Variants in PCDHA12 observed in about 807,000 individuals in gnomAD.
The protein encoded by PCDHA12 is protocadherin alpha-12.
A neutral mutation model predicts 60.0 loss-of-function variants in PCDHA12; 44 were observed. The observed-to-expected ratio is 0.73, with a 90% CI of 0.58 to 0.94. The LOEUF (loss-of-function observed/expected upper bound fraction) is 0.94, where lower values mean the gene tolerates loss of function less well. PCDHA12 is among the 40% of genes least tolerant of loss of function. The pLI is 0.00. For synonymous variants in PCDHA12, 569 were observed against 553.0 expected, an observed-to-expected ratio of 1.03 and a Z score of -0.40; for missense variants, 1,276 against 1,239.7, an observed-to-expected ratio of 1.03 and a Z score of -0.44.
chr5:140,914,944 CTTTTTT>C (rs35695909), intron 1 of PCDHA12, among the ~76,000 whole-genome samples: 1 of 128,266 alleles, frequency 7.8e-6, no homozygotes, highest in Non-Finnish European at 1.7e-5. Flanking sequence ...GAAAAGTTGT[CTTTTTT>C]TTTTTTTTTT....
intron 1 of PCDHA12, 174 bp downstream of exon 1, chr5:140,878,013 G>A (rs1554170262): frequency 2.4e-6 from 2 of 839,000 alleles, no homozygotes; most frequent in South Asian, 2.6e-5. Context: ...TAACATTAAT[G>A]AAGGAAATAT....
At chr5:140,935,310 C>T (rs569890065) in intron 1 of PCDHA12, among the ~76,000 whole-genome samples, 2 of 152,200 alleles carry the variant, frequency 1.3e-5, no homozygotes, top group Non-Finnish European at 2.9e-5. Flanking sequence ...TACTTAACTT[C>T]ATCAATCTTA....
At chr5:140,966,030 A>C (rs1554227994) in intron 1 of PCDHA12, among the ~76,000 whole-genome samples, 4 of 152,164 alleles carry the variant, frequency 2.6e-5, no homozygotes, top group Admixed American at 6.5e-5. Context: ...AGTCAGGTGA[A>C]TAGTTCCCAT....
intron 1 of PCDHA12, among the ~76,000 whole-genome samples, chr5:140,902,816 G>A (rs1447534950): frequency 6.6e-6 from 1 of 150,906 alleles, no homozygotes; most frequent in Non-Finnish European, 1.5e-5. Flanking sequence ...TACAATATTT[G>A]GTTTTCGATT....
At chr5:140,926,752 C>G in intron 1 of PCDHA12, 2 of 1,254,462 alleles carry the variant, frequency 1.6e-6, no homozygotes, top group East Asian at 5.7e-5. Flanking sequence ...CGTCGGCGGT[C>G]GCTGAGTATC....
intron 1 of PCDHA12, chr5:140,968,519 A>G (rs1030847582): frequency 1.2e-6 from 2 of 1,614,008 alleles, no homozygotes; most frequent in South Asian, 1.1e-5. Flanking sequence ...CCCTACCTCA[A>G]CCAACTCGTC....
chr5:140,945,275 A>G (rs1205952276), intron 1 of PCDHA12, among the ~76,000 whole-genome samples: 2 of 152,186 alleles, frequency 1.3e-5, no homozygotes, highest in Non-Finnish European at 2.9e-5. Context: ...TGAAAACTTT[A>G]AAACATTGAT....
intron 3 of PCDHA12, among the ~76,000 whole-genome samples, chr5:141,000,421 ATTTTTTT>A (rs34755515): frequency 5.7e-4 from 16 of 27,976 alleles, no homozygotes; most frequent in Non-Finnish European, 7.4e-4. Flanking sequence ...ATATATATAT[ATTTTTTT>A]TTTTTTTTTT....
At chr5:140,895,935 C>T (rs922054631) in intron 1 of PCDHA12, among the ~76,000 whole-genome samples, 20 of 152,028 alleles carry the variant, frequency 1.3e-4, no homozygotes, top group African/African-American at 4.1e-4. Flanking sequence ...CTCAGCCTCC[C>T]GAGTAGCTGG....
chr5:140,906,239 T>G (rs563566442), intron 1 of PCDHA12, among the ~76,000 whole-genome samples: 5 of 152,314 alleles, frequency 3.3e-5, no homozygotes, highest in Admixed American at 1.3e-4. Context: ...CCTTGTCAAC[T>G]TGAACCCATA....
At chr5:140,925,349 A>G (rs4912732) in intron 1 of PCDHA12, among the ~76,000 whole-genome samples, 5,885 of 152,152 alleles carry the variant, frequency 0.039, 171 homozygotes, top group Non-Finnish European at 0.058. Flanking sequence ...TTGAGTGAGG[A>G]ATTTAGTGCT....
chr5:140,948,902 T>C (rs943078074), intron 1 of PCDHA12, among the ~76,000 whole-genome samples: 1 of 151,528 alleles, frequency 6.6e-6, no homozygotes, highest in Non-Finnish European at 1.5e-5. Flanking sequence ...TTAAGTGGAT[T>C]CTTAGGTAAC....
intron 2 of PCDHA12, among the ~76,000 whole-genome samples, chr5:140,979,626 A>T (rs2096859120): frequency 2.0e-5 from 3 of 152,204 alleles, no homozygotes; most frequent in Non-Finnish European, 4.4e-5. Flanking sequence ...TTAGTCTAAG[A>T]CTCAGATTAA....
chr5:140,974,255 C>T (rs1049283311), intron 1 of PCDHA12, among the ~76,000 whole-genome samples: 1 of 152,186 alleles, frequency 6.6e-6, no homozygotes, highest in African/African-American at 2.4e-5. Flanking sequence ...CCATCAGTTC[C>T]TTTCTGGCCT....
At chr5:140,905,234 C>T (rs1303215169) in intron 1 of PCDHA12, among the ~76,000 whole-genome samples, 1 of 152,144 alleles carries the variant, frequency 6.6e-6, no homozygotes, top group African/African-American at 2.4e-5. Flanking sequence ...GATGAGGATC[C>T]AGTTTCATTC....
chr5:141,005,701 CAAAAAAAAAAAAA>C (rs59860837), intron 3 of PCDHA12, among the ~76,000 whole-genome samples: 12 of 7,786 alleles, frequency 1.5e-3, no homozygotes, highest in Non-Finnish European at 2.7e-3. Context: ...AACTCCGTCT[CAAAAAAAAAAAAA>C]AAAAAAAAAA....
chr5:140,886,659 C>T (rs782545078), intron 1 of PCDHA12, among the ~76,000 whole-genome samples: 4 of 151,858 alleles, frequency 2.6e-5, no homozygotes, highest in African/African-American at 4.8e-5. Context: ...AACCCTGTCT[C>T]TACTAAAAAT....
At chr5:140,951,544 G>C (rs543008494) in intron 1 of PCDHA12, among the ~76,000 whole-genome samples, 1 of 151,878 alleles carries the variant, frequency 6.6e-6, no homozygotes, top group African/African-American at 2.4e-5. Context: ...AGCAAGGGAC[G>C]GGGGGAAGTG....
At chr5:140,977,140 G>A (rs2096748068) in intron 1 of PCDHA12, among the ~76,000 whole-genome samples, 1 of 152,202 alleles carries the variant, frequency 6.6e-6, no homozygotes, top group Non-Finnish European at 1.5e-5. Context: ...GGTCAGTCCT[G>A]CTGGAACTGT....
Sources: allele counts gnomAD v4.1 joint callset (sites outside exome capture counted in the v4.1 genomes callset), GRCh38; gene constraint gnomAD v4.1.1; transcripts MANE v1.5; gene names NCBI Gene and HGNC (gene_info 2026-07-23, HGNC 2026-07-21).